GRAMD1B: variants seen among roughly 807,000 people sequenced by gnomAD.
GRAMD1B encodes protein Aster-B.
In GRAMD1B, 37 loss-of-function variants were observed where a neutral mutation model predicts 99.7. The ratio of observed to expected loss-of-function variants is 0.37; its 90% confidence interval spans 0.29 to 0.49. The LOEUF (loss-of-function observed/expected upper bound fraction) is 0.49. Ranked by LOEUF, GRAMD1B falls within the 20% of genes least tolerant of loss-of-function variation. The probability of loss-of-function intolerance (pLI) is 0.98; values close to 1 mark genes in which losing one functional copy is unlikely to be tolerated. For synonymous variants in GRAMD1B, 427 were observed against 387.6 expected (o/e 1.10, Z -1.19); for missense variants, 888 against 1,009.2 (o/e 0.88, Z 1.63).
At chr11:123,386,719 G>A (rs1329449971) in intron 1 of GRAMD1B, among the ~76,000 whole-genome samples, 2 of 152,182 alleles carry the variant, frequency 1.3e-5, no homozygotes, top group African/African-American at 2.4e-5. Context: ...AAAGTGCTGG[G>A]ATTACAGGCA....
intron 3 of GRAMD1B, among the ~76,000 whole-genome samples, chr11:123,581,896 G>A (rs540360178): frequency 6.6e-6 from 1 of 152,372 alleles, no homozygotes; most frequent in East Asian, 1.9e-4. Flanking sequence ...ATCTGCTTCT[G>A]TCTACCTGGG....
intron 11 of GRAMD1B, among the ~76,000 whole-genome samples, chr11:123,607,103 G>T (rs981443215): frequency 6.6e-6 from 1 of 152,126 alleles, no homozygotes; most frequent in African/African-American, 2.4e-5. Context: ...ATGTTTATAA[G>T]CCACAAGGAA....
chr11:123,462,246 T>C (rs568150345), intron 1 of GRAMD1B, among the ~76,000 whole-genome samples: 7 of 152,074 alleles, frequency 4.6e-5, no homozygotes, highest in Admixed American at 3.9e-4. Flanking sequence ...GGATTACAGG[T>C]GTGAGCCACC....
intron 1 of GRAMD1B, among the ~76,000 whole-genome samples, chr11:123,393,875 G>A (rs1947365005): frequency 6.6e-6 from 1 of 152,066 alleles, no homozygotes; most frequent in South Asian, 2.1e-4. Flanking sequence ...CCTCGACTGG[G>A]GCTCTTTTTA....
intron 1 of GRAMD1B, among the ~76,000 whole-genome samples, chr11:123,415,295 G>A (rs1349571051): frequency 6.6e-6 from 1 of 151,604 alleles, no homozygotes; most frequent in Non-Finnish European, 1.5e-5. Context: ...TAGAGACAGG[G>A]TTTCACCGTG....
rs369547965 is a variant in GRAMD1B, at chr11:123,499,853, CTT to C, written c.452+18962_452+18963del. On this transcript the variant is annotated intron_variant, in intron 2 of 19. Coordinates refer to ENST00000635736, the MANE Select transcript of GRAMD1B (RefSeq NM_001387025.1). ...AATTTAGAGTTGGAATTTTGAAACT[CTT>C]TGTTTGGTTGACTTTTGAAACTCCA... 5.3e-3 allele frequency among the ~76,000 whole-genome samples: 810 copies of C among 152,282 alleles called. 7 individuals are homozygous for C. The highest frequency in any genetic ancestry group is 0.017 in the African/African-American group (722 of 41,550).
intron 1 of GRAMD1B, among the ~76,000 whole-genome samples, chr11:123,450,436 A>G (rs1046912408): frequency 2.6e-4 from 40 of 152,196 alleles, no homozygotes; most frequent in African/African-American, 9.6e-4. Context: ...ACCGTTCCTA[A>G]CACCAGGAAT....
chr11:123,549,515 C>G (rs1945407193), intron 2 of GRAMD1B, among the ~76,000 whole-genome samples: 1 of 151,850 alleles, frequency 6.6e-6, no homozygotes, highest in African/African-American at 2.4e-5. Flanking sequence ...GCCCTCCAGT[C>G]TAGGCGACAG....
chr11:123,478,712 G>A (rs1262286666), intron 1 of GRAMD1B, among the ~76,000 whole-genome samples: 1 of 152,196 alleles, frequency 6.6e-6, no homozygotes, highest in South Asian at 2.1e-4. Context: ...AGGATAGGGG[G>A]ACTAGGAAGA....
chr11:123,563,868 C>G (rs1328830252), intron 2 of GRAMD1B, among the ~76,000 whole-genome samples: 2 of 152,120 alleles, frequency 1.3e-5, no homozygotes, highest in Admixed American at 6.5e-5. Flanking sequence ...AGACTAAAGC[C>G]TCTCTTGGTT....
chr11:123,480,742 G>A (rs1382995300), intron 1 of GRAMD1B, 74 bp from the exon 2 acceptor site: 1 of 398,460 alleles, frequency 2.5e-6, no homozygotes, highest in Non-Finnish European at 4.4e-6. Context: ...TTGTCTAGTT[G>A]AAGTCTAAGT....
intron 2 of GRAMD1B, among the ~76,000 whole-genome samples, chr11:123,514,237 T>G (rs1420134332): frequency 1.3e-5 from 2 of 152,188 alleles, no homozygotes; most frequent in Non-Finnish European, 2.9e-5. Context: ...TAAAGAAGGT[T>G]ACATTTGATC....
chr11:123,465,920 C>T (rs1046259016), intron 1 of GRAMD1B, among the ~76,000 whole-genome samples: 1 of 151,980 alleles, frequency 6.6e-6, no homozygotes, highest in Non-Finnish European at 1.5e-5. Context: ...AGAAAATACT[C>T]GAACTCCTCA....
intron 2 of GRAMD1B, among the ~76,000 whole-genome samples, chr11:123,540,738 A>G (rs1356222560): frequency 6.6e-6 from 1 of 152,110 alleles, no homozygotes; most frequent in African/African-American, 2.4e-5. Flanking sequence ...TATTTTTTCT[A>G]TATATATTAT....
chr11:123,394,176 G>A (rs963431903), intron 1 of GRAMD1B, among the ~76,000 whole-genome samples: 1 of 152,196 alleles, frequency 6.6e-6, no homozygotes, highest in Non-Finnish European at 1.5e-5. Flanking sequence ...AATTAGTACT[G>A]CCTTGAGAAA....
intron 1 of GRAMD1B, among the ~76,000 whole-genome samples, chr11:123,377,768 A>G (rs941438284): frequency 6.6e-6 from 1 of 152,224 alleles, no homozygotes; most frequent in Non-Finnish European, 1.5e-5. Context: ...TATTCTTCCA[A>G]TGGAAGACCC....
chr11:123,610,452 T>G lies in GRAMD1B; in HGVS notation c.1919+114T>G. 1 of 991,810 alleles carries G rather than the reference T, an allele frequency of 1.0e-6. No homozygotes were observed. Among genetic ancestry groups the G allele is most frequent in the Non-Finnish European group, 1.6e-6 (1 of 642,112 alleles). 61.4% of individuals were successfully genotyped at this position (991,810 alleles called of 1,614,324 possible). On this transcript the variant is annotated intron_variant, in intron 14 of 19. Transcript: ENST00000635736. The surrounding 1 kb of genome is among the most constrained non-coding windows in gnomAD (Gnocchi z 4.1). ...GGGAGTGCTTGGCTGCTGACTCTCTTTATTCTACTTTCTCTCCGAAGCCTT... is the reference window on the plus strand; with the variant it reads ...GGGAGTGCTTGGCTGCTGACTCTCTGTATTCTACTTTCTCTCCGAAGCCTT...
intron 11 of GRAMD1B, 77 bp downstream of exon 11, chr11:123,606,875 G>A (rs1456363650): frequency 1.8e-5 from 20 of 1,122,024 alleles, no homozygotes; most frequent in Non-Finnish European, 2.6e-5. Context: ...TGTGGGGACT[G>A]TAGTTAGTCT....
chr11:123,579,721 T>C (rs921369391), intron 3 of GRAMD1B, among the ~76,000 whole-genome samples: 1 of 152,172 alleles, frequency 6.6e-6, no homozygotes, highest in Non-Finnish European at 1.5e-5. Flanking sequence ...TGCACACTTT[T>C]CCATCCAGAT....
Sources: gnomAD v4.1 joint callset for allele counts (sites outside exome capture counted in the v4.1 genomes callset) on GRCh38, gnomAD v4.1.1 for gene constraint, Gnocchi (gnomAD v3.1) non-coding constraint, MANE v1.5 for transcripts, NCBI Gene and HGNC (gene_info 2026-07-23, HGNC 2026-07-21) for gene names.